The following BIRC6 variants were observed in gnomAD, a reference collection of about 807,000 sequenced individuals.
The protein encoded by BIRC6 is baculoviral IAP repeat containing 6.
In BIRC6, 98 loss-of-function variants were observed where a neutral mutation model predicts 503.3. That is an observed-to-expected ratio of 0.19 (90% confidence interval 0.17 to 0.23). BIRC6 has a LOEUF of 0.23. Among genes scored for constraint, BIRC6 ranks in the 10% least tolerant of loss-of-function variants. The pLI is 1.00. For missense variants in BIRC6, 5,360 were observed against 5,806.0 expected (o/e 0.92, Z 2.50); for synonymous variants, 2,240 against 2,078.7 (o/e 1.08, Z -2.11).
intron 4 of BIRC6, among the ~76,000 whole-genome samples, chr2:32,389,488 A>C (rs2038932787): frequency 6.6e-6 from 1 of 152,050 alleles, no homozygotes; most frequent in African/African-American, 2.4e-5. Context: ...TACCTAAACC[A>C]TCATTTTCTT....
intron 45 of BIRC6, 86 bp from the exon 46 acceptor site, chr2:32,499,461 C>A: frequency 8.0e-7 from 1 of 1,251,464 alleles, no homozygotes; most frequent in Non-Finnish European, 1.1e-6. Context: ...TTCAGAACTA[C>A]TTAAAATCGT....
chr2:32,361,722 G>A (rs1283585999), intron 1 of BIRC6, among the ~76,000 whole-genome samples: 1 of 151,832 alleles, frequency 6.6e-6, no homozygotes, highest in African/African-American at 2.4e-5. Flanking sequence ...TCTCCCTGCT[G>A]GCAACCACTG....
Position 32,543,241 on chromosome 2 carries a change from G to C in BIRC6, c.12292G>C (p.Val4098Leu), listed in dbSNP as rs2057811182. Residue 4098 changes from valine to leucine, a missense_variant and splice_region_variant, in exon 62 of 74, where the codon GTG becomes CTG. This residue lies in a region of BIRC6 where 878 missense variants were observed against 928.9 expected (regional missense o/e 0.95). Transcript: ENST00000421745. ...PMLYPEVIQQ[V>L]SAPVVTSTTQ... ...AGCCAACACTTTTCTTTTTCTTTAG[G>C]TGAGTGCTCCAGTTGTAACATCTAC... 2 of 1,611,730 alleles carry C rather than the reference G, an allele frequency of 1.2e-6. No homozygotes were observed. The highest frequency in any genetic ancestry group is 2.7e-5 in the African/African-American group (2 of 74,824).
chr2:32,531,160 T>G (rs1230461203), intron 60 of BIRC6, among the ~76,000 whole-genome samples, 195 bp from the exon 61 acceptor site: 1 of 152,106 alleles, frequency 6.6e-6, no homozygotes, highest in East Asian at 1.9e-4. Context: ...ATAACAAGAC[T>G]AAAGAAGGCA....
At chr2:32,600,629 T>G (rs1431388801) in intron 70 of BIRC6, among the ~76,000 whole-genome samples, 1 of 152,176 alleles carries the variant, frequency 6.6e-6, no homozygotes, top group African/African-American at 2.4e-5. Flanking sequence ...CACTGGAACT[T>G]GAATAGAGTG....
chr2:32,429,705 T>C (rs2043891349), intron 11 of BIRC6, among the ~76,000 whole-genome samples: 1 of 152,170 alleles, frequency 6.6e-6, no homozygotes, highest in Admixed American at 6.5e-5. Context: ...GCCTTTTTTC[T>C]CCCATCCTTG....
chr2:32,414,034 G>A (rs1195956650), intron 9 of BIRC6, among the ~76,000 whole-genome samples: 1 of 152,172 alleles, frequency 6.6e-6, no homozygotes, highest in African/African-American at 2.4e-5. Context: ...GCTCATGCCT[G>A]TAATCCCAGC....
intron 4 of BIRC6, among the ~76,000 whole-genome samples, 154 bp from the exon 5 acceptor site, chr2:32,391,885 C>T (rs1309236376): frequency 1.3e-5 from 2 of 152,208 alleles, no homozygotes; most frequent in South Asian, 2.1e-4. Context: ...CAAAAATTAC[C>T]GTTTTTAGTT....
Position 32,357,483 on chromosome 2 carries a change from A to G in BIRC6, c.322A>G (p.Ser108Gly), listed in dbSNP as rs764814191. The G allele has an allele frequency of 1.9e-6, 3 of 1,546,720 alleles. No individual in the cohort carries two copies. Among genetic ancestry groups the G allele is most frequent in the Middle Eastern group, 1.7e-4 (1 of 5,968 alleles). ...GGCCACACTGCAGGCCTCCGCGCTC[A>G]GTGGTGAGTCTTCCGCACGCCGGGC... ...SGATLQASAL[S>G]AKPGGQVKCQ... The change falls in exon 1 of 74, where the codon AGT becomes GGT. Residue 108 changes from serine (S) to glycine (G), a missense_variant. Ser to Gly is a moderately conservative substitution (Grantham distance 56). Around this residue, in one of 16 missense-constraint regions of BIRC6, gnomAD observed 47 missense variants for 93.3 expected, o/e 0.50. Transcript: ENST00000421745. The surrounding 1 kb of genome is among the most constrained non-coding windows in gnomAD (Gnocchi z 4.9).
At chr2:32,498,943 T>G (rs1223092363) in intron 45 of BIRC6, among the ~76,000 whole-genome samples, 1 of 152,204 alleles carries the variant, frequency 6.6e-6, no homozygotes, top group Non-Finnish European at 1.5e-5. Context: ...TTGAACTTCC[T>G]GGCGCCACAA....
At chr2:32,361,959 A>G (rs1439680516) in intron 1 of BIRC6, among the ~76,000 whole-genome samples, 3 of 152,202 alleles carry the variant, frequency 2.0e-5, no homozygotes, top group African/African-American at 4.8e-5. Context: ...GCTGGCTTCC[A>G]TGTTTTGGCA....
chr2:32,376,037 T>A (rs1430142530), intron 1 of BIRC6, among the ~76,000 whole-genome samples: 1 of 151,772 alleles, frequency 6.6e-6, no homozygotes, highest in African/African-American at 2.4e-5. Flanking sequence ...TACAAAAAAA[T>A]TAGCCGGGTG....
At chr2:32,467,411 T>A (rs1168284787) in intron 26 of BIRC6, 114 bp from the exon 27 acceptor site, 1 of 820,684 alleles carries the variant, frequency 1.2e-6, no homozygotes, top group African/African-American at 1.7e-5. Flanking sequence ...TCCTCTTATT[T>A]ATAGTTTAGT....
chr2:32,365,108 G>C (rs180759357), intron 1 of BIRC6, among the ~76,000 whole-genome samples: 1 of 152,016 alleles, frequency 6.6e-6, no homozygotes, highest in African/African-American at 2.4e-5. Context: ...ATGTACTTTG[G>C]CTCTGTTTCT....
At chr2:32,541,513 A>G (rs1440047663) in intron 61 of BIRC6, among the ~76,000 whole-genome samples, 2 of 152,100 alleles carry the variant, frequency 1.3e-5, no homozygotes, top group Non-Finnish European at 2.9e-5. Flanking sequence ...CTCACCATTC[A>G]TTTAAAAATC....
chr2:32,437,170 G>A (rs530078791), intron 15 of BIRC6, among the ~76,000 whole-genome samples: 3 of 152,234 alleles, frequency 2.0e-5, no homozygotes, highest in South Asian at 2.1e-4. Flanking sequence ...GATTGCAGAC[G>A]TAAGCCACCG....
At chr2:32,595,233 T>C in intron 68 of BIRC6, 89 bp downstream of exon 68, 1 of 782,876 alleles carries the variant, frequency 1.3e-6, no homozygotes, top group Middle Eastern at 3.6e-4. Flanking sequence ...AATTAAAGAT[T>C]TTTAAAATTG....
intron 1 of BIRC6, among the ~76,000 whole-genome samples, chr2:32,360,720 A>G (rs995877033): frequency 1.3e-5 from 2 of 152,106 alleles, no homozygotes; most frequent in African/African-American, 4.8e-5. Context: ...CTGGCAGGTT[A>G]GTATTTTGTG....
intron 62 of BIRC6, 41 bp from the exon 63 acceptor site, chr2:32,545,602 A>G (rs370592043): frequency 8.6e-6 from 13 of 1,511,246 alleles, no homozygotes; most frequent in Non-Finnish European, 1.1e-5. Context: ...ATGTGTTTTT[A>G]ACTGTTTTTA....
Sources: allele counts gnomAD v4.1 joint callset (sites outside exome capture counted in the v4.1 genomes callset), GRCh38; gene constraint gnomAD v4.1.1; regional missense constraint gnomAD v4.1.1; non-coding constraint Gnocchi (gnomAD v3.1); transcripts MANE v1.5; gene names NCBI Gene and HGNC (gene_info 2026-07-23, HGNC 2026-07-21).